LARP7: variants seen among roughly 807,000 people sequenced by gnomAD.
LARP7 encodes the protein la-related protein 7.
In LARP7, 52 loss-of-function variants were observed where a neutral mutation model predicts 69.3. The observed-to-expected ratio is 0.75, with a 90% CI of 0.60 to 0.95. The LOEUF (loss-of-function observed/expected upper bound fraction) is 0.95. LARP7 is among the 40% of genes least tolerant of loss of function. The probability of loss-of-function intolerance (pLI) is 0.00; values close to 1 mark genes in which losing one functional copy is unlikely to be tolerated. For synonymous variants in LARP7, 254 were observed against 215.9 expected, an observed-to-expected ratio of 1.18 and a Z score of -1.55; for missense variants, 733 against 673.0, an observed-to-expected ratio of 1.09 and a Z score of -0.99.
At chr4:112,647,876 A>G (rs1480678138) in intron 8 of LARP7, 42 bp downstream of exon 8, 3 of 1,371,038 alleles carry the variant, frequency 2.2e-6, no homozygotes, top group Non-Finnish European at 3.1e-6. Flanking sequence ...TTAACAATCC[A>G]TCACCATTGC....
chr4:112,649,778 A>G, intron 9 of LARP7, 92 bp downstream of exon 9: 2 of 817,500 alleles, frequency 2.4e-6, no homozygotes, highest in East Asian at 6.3e-5. Flanking sequence ...TTTAATTTTA[A>G]AAAACTTGAT....
chr4:112,657,402 T>C lies in LARP7; in HGVS notation c.*75T>C. ...CTTGGGAGATTCACTTTTATTATGG[T>C]AGCACTGCATAATTAATGTGTTTTT... On this transcript the variant is annotated 3_prime_UTR_variant, in exon 13 of 13. Coordinates refer to ENST00000344442, the MANE Select transcript of LARP7 (RefSeq NM_016648.4). 1 of 581,196 alleles carries C rather than the reference T, an allele frequency of 1.7e-6. No individual in the cohort carries two copies. Among genetic ancestry groups the C allele is most frequent in the Non-Finnish European group, 2.8e-6 (1 of 352,578 alleles). The allele number at this position is 581,196 out of a possible 1,614,324, so 36.0% of individuals were successfully genotyped here. A position where few individuals can be genotyped will look rare whatever the true frequency, so the allele number is the denominator to read the frequency against.
chr4:112,648,835 T>A (rs2048539269), intron 8 of LARP7: 1 of 185,808 alleles, frequency 5.4e-6, no homozygotes. Flanking sequence ...TGTATGATCC[T>A]GGGTGGGTCT....
chr4:112,641,269 A>G (rs564394282), intron 1 of LARP7, among the ~76,000 whole-genome samples: 10 of 152,164 alleles, frequency 6.6e-5, no homozygotes, highest in East Asian at 5.8e-4. Context: ...ACATGCCTAT[A>G]GTCCCAGCTA....
intron 1 of LARP7, among the ~76,000 whole-genome samples, chr4:112,638,506 C>A (rs1006793381): frequency 2.0e-5 from 3 of 152,138 alleles, no homozygotes; most frequent in African/African-American, 7.2e-5. Flanking sequence ...AATTATTGTC[C>A]TGAGCAGTAT....
rs7695740 is a variant in LARP7 at position 112,654,273 on chromosome 4, T to G, written c.1668+114T>G. The G allele has an allele frequency of 0.026, 17,727 of 676,518 alleles. 1,391 individuals carry two copies. The highest frequency in any genetic ancestry group is 0.21 in the African/African-American group (11,798 of 55,550). The allele number at this position is 676,518 out of a possible 1,614,324, so 41.9% of individuals were successfully genotyped here. ...AGTTTTGCTATTACCTAACAAAAAT[T>G]TACTGAGTATATACTATGTTTTAGG... is the stretch of plus-strand genomic sequence containing the variant. On this transcript the variant is annotated intron_variant, in intron 12 of 12. Coordinates refer to ENST00000344442, the MANE Select transcript of LARP7 (RefSeq NM_016648.4).
chr4:112,646,301 G>A (rs1245193957), intron 2 of LARP7, 50 bp from the exon 3 acceptor site: 4 of 941,192 alleles, frequency 4.2e-6, no homozygotes, highest in Non-Finnish European at 6.6e-6. Context: ...GTACCAAATT[G>A]AATTAATCCT....
At chr4:112,644,244 G>GAAA in intron 1 of LARP7, 2 of 83,058 alleles carry the variant, frequency 2.4e-5, no homozygotes, top group Non-Finnish European at 3.9e-5. Context: ...CTGTCTCCAA[G>GAAA]AAAAAAAAAA....
chr4:112,649,728 A>G, intron 9 of LARP7, 42 bp downstream of exon 9: 1 of 1,297,620 alleles, frequency 7.7e-7, no homozygotes. Flanking sequence ...TAATGTACTT[A>G]TATATGTAAA....
At chr4:112,645,712 G>C (rs2048174470) in intron 2 of LARP7, 1 of 431,428 alleles carries the variant, frequency 2.3e-6, no homozygotes, top group African/African-American at 2.0e-5. Context: ...AAGAGATATG[G>C]GGTCCCACCA....
At chr4:112,651,211 A>C (rs2048716515) in intron 10 of LARP7, among the ~76,000 whole-genome samples, 1 of 152,192 alleles carries the variant, frequency 6.6e-6, no homozygotes, top group Non-Finnish European at 1.5e-5. Flanking sequence ...CACATATTTT[A>C]AGTATTTTCT....
intron 12 of LARP7, among the ~76,000 whole-genome samples, chr4:112,656,088 T>TA (rs1040231937): frequency 6.6e-6 from 1 of 152,002 alleles, no homozygotes; most frequent in Admixed American, 6.6e-5. Context: ...TGAGTAAAAG[T>TA]AAAAAAATTC....
chr4:112,651,265 C>T (rs1211299170), intron 10 of LARP7, among the ~76,000 whole-genome samples: 5 of 152,244 alleles, frequency 3.3e-5, no homozygotes, highest in Admixed American at 1.3e-4. Flanking sequence ...TTTGGTTTTA[C>T]GTAGACTCAT....
At chr4:112,652,164 A>T (rs1302457298) in intron 10 of LARP7, among the ~76,000 whole-genome samples, 1 of 152,048 alleles carries the variant, frequency 6.6e-6, no homozygotes, top group African/African-American at 2.4e-5. Flanking sequence ...TGATGAAATA[A>T]TACTTCCAGG....
intron 12 of LARP7, among the ~76,000 whole-genome samples, chr4:112,656,820 A>T (rs1466523403): frequency 6.6e-6 from 1 of 152,230 alleles, no homozygotes; most frequent in African/African-American, 2.4e-5. Context: ...AAACACTTTA[A>T]AACTATTTAA....
intron 2 of LARP7, chr4:112,645,682 C>CT: frequency 1.4e-5 from 6 of 443,924 alleles, no homozygotes; most frequent in Admixed American, 2.5e-5. Context: ...ACCAGGCCGG[C>CT]TTTTTTTTCT....
At chr4:112,643,225 C>G (rs1271287078) in intron 1 of LARP7, among the ~76,000 whole-genome samples, 1 of 152,028 alleles carries the variant, frequency 6.6e-6, no homozygotes, top group East Asian at 1.9e-4. Flanking sequence ...ATGCTATGAA[C>G]AAAAATAAGG....
chr4:112,644,470 A>G (rs749322638), intron 1 of LARP7, 198 bp from the exon 2 acceptor site: 5 of 1,192,708 alleles, frequency 4.2e-6, no homozygotes, highest in East Asian at 3.0e-5. Flanking sequence ...AACTAAAGCT[A>G]TGATCCCTAA....
chr4:112,650,286 T>C (rs1560944912), intron 9 of LARP7, among the ~76,000 whole-genome samples, 175 bp from the exon 10 acceptor site: 1 of 152,206 alleles, frequency 6.6e-6, no homozygotes, highest in Non-Finnish European at 1.5e-5. Context: ...GTTTTATTCA[T>C]GGTATTTTGA....
Sources: allele counts gnomAD v4.1 joint callset (sites outside exome capture counted in the v4.1 genomes callset), GRCh38; gene constraint gnomAD v4.1.1; transcripts MANE v1.5; gene names NCBI Gene and HGNC (gene_info 2026-07-23, HGNC 2026-07-21).